The following EYA2 variants were observed in gnomAD, a reference collection of about 807,000 sequenced individuals.
EYA2 encodes EYA transcriptional coactivator and phosphatase 2, also known as protein phosphatase EYA2.
Under a neutral mutation model 69.2 loss-of-function variants are expected in EYA2, and 31 were observed. That is an observed-to-expected ratio of 0.45 (90% CI 0.34 to 0.60). EYA2 has a LOEUF of 0.60. EYA2 is among the 20% of genes least tolerant of loss of function. The pLI, the probability that EYA2 is intolerant of heterozygous loss-of-function variation, is 0.02. For missense variants in EYA2, 622 were observed against 701.2 expected (o/e 0.89, Z 1.28); for synonymous variants, 257 against 279.4 (o/e 0.92, Z 0.80).
At chr20:46,930,288 C>A (rs79268333) in intron 1 of EYA2, among the ~76,000 whole-genome samples, 11,247 of 152,226 alleles carry the variant, frequency 0.074, 921 homozygotes, top group African/African-American at 0.21. Flanking sequence ...AAATAAAAGA[C>A]AGGTAATAAT....
intron 7 of EYA2, among the ~76,000 whole-genome samples, chr20:47,080,920 T>A (rs142485982): frequency 6.6e-6 from 1 of 152,322 alleles, no homozygotes; most frequent in Non-Finnish European, 1.5e-5. Flanking sequence ...CAGGCTGAAG[T>A]GCAGTGGTAC....
chr20:47,116,242 A>G lies in EYA2; in HGVS notation c.888+19074A>G, dbSNP rs563307614. ...GCCCAGGCTGGAGTGCAGTGGTGCA[A>G]TCTTGGCTCACTGCAACCTCCGCCT... On this transcript the variant is annotated intron_variant, in intron 9 of 15. Transcript: ENST00000327619. 4.3e-3 allele frequency among the ~76,000 whole-genome samples: 584 copies of G among 135,786 alleles called. 2 individuals are homozygous for G. The highest frequency in any genetic ancestry group is 0.024 in the Middle Eastern group (5 of 210). 89.1% of individuals were successfully genotyped at this position (135,786 alleles called of 152,430 possible).
intron 10 of EYA2, among the ~76,000 whole-genome samples, chr20:47,157,427 T>G (rs901244267): frequency 6.6e-6 from 1 of 150,654 alleles, no homozygotes; most frequent in Non-Finnish European, 1.5e-5. Context: ...CAGTCCAGAT[T>G]GGCATTTACA....
intron 1 of EYA2, among the ~76,000 whole-genome samples, chr20:46,927,673 A>G (rs1187102542): frequency 1.3e-5 from 2 of 152,198 alleles, no homozygotes; most frequent in African/African-American, 4.8e-5. Context: ...AGATGATTCA[A>G]CTATCTCCCA....
intron 1 of EYA2, among the ~76,000 whole-genome samples, chr20:46,922,846 A>C (rs1189712422): frequency 6.6e-6 from 1 of 152,216 alleles, no homozygotes. Flanking sequence ...GTCACTATGC[A>C]GTGCAGAAAT....
chr20:46,935,521 C>G (rs1205180576), intron 1 of EYA2, among the ~76,000 whole-genome samples: 1 of 152,206 alleles, frequency 6.6e-6, no homozygotes, highest in East Asian at 1.9e-4. Context: ...TGAAACTCAT[C>G]TTCCTCTCTT....
At chr20:47,178,605 G>A (rs2146667738) in intron 12 of EYA2, among the ~76,000 whole-genome samples, 1 of 152,228 alleles carries the variant, frequency 6.6e-6, no homozygotes, top group Non-Finnish European at 1.5e-5. Flanking sequence ...TGAGAGAATG[G>A]CAGGTTGAGA....
At chr20:46,971,133 G>A (rs1219528019) in intron 1 of EYA2, among the ~76,000 whole-genome samples, 1 of 151,888 alleles carries the variant, frequency 6.6e-6, no homozygotes, top group African/African-American at 2.4e-5. Flanking sequence ...ATGCACTGAA[G>A]AAGATCTGGT....
chr20:47,012,396 A>G (rs777674009), intron 4 of EYA2, among the ~76,000 whole-genome samples: 4 of 152,226 alleles, frequency 2.6e-5, no homozygotes, highest in Non-Finnish European at 5.9e-5. Context: ...TATCTGGTTT[A>G]AAAGACCAGT....
At chr20:46,917,403 A>G (rs1176449523) in intron 1 of EYA2, among the ~76,000 whole-genome samples, 1 of 152,240 alleles carries the variant, frequency 6.6e-6, no homozygotes, top group East Asian at 1.9e-4. Context: ...CAACTAGGAT[A>G]TGGCAAAACG....
chr20:47,011,205 C>T (rs972920120), intron 4 of EYA2, among the ~76,000 whole-genome samples: 1 of 152,116 alleles, frequency 6.6e-6, no homozygotes, highest in African/African-American at 2.4e-5. Flanking sequence ...GTCCAAAACC[C>T]TCATTGTAGT....
chr20:47,098,255 T>C (rs1418810026), intron 9 of EYA2, among the ~76,000 whole-genome samples: 1 of 152,174 alleles, frequency 6.6e-6, no homozygotes, highest in African/African-American at 2.4e-5. Context: ...ACAGCTTAGG[T>C]AAAAGATGGC....
chr20:47,179,448 A>G (rs925557018), intron 12 of EYA2, among the ~76,000 whole-genome samples: 6 of 110,564 alleles, frequency 5.4e-5, no homozygotes, highest in Non-Finnish European at 1.0e-4. Flanking sequence ...GGGTGGGTGG[A>G]TGGATGGATG....
intron 1 of EYA2, among the ~76,000 whole-genome samples, chr20:46,942,206 T>A (rs1307294046): frequency 2.6e-5 from 4 of 151,930 alleles, no homozygotes; most frequent in Admixed American, 6.6e-5. Context: ...TATTTTATTT[T>A]ATTTTTTACT....
intron 5 of EYA2, among the ~76,000 whole-genome samples, chr20:47,061,754 T>G (rs376431847): frequency 2.0e-4 from 30 of 152,132 alleles, no homozygotes; most frequent in African/African-American, 6.5e-4. Flanking sequence ...TTGCAGAGGG[T>G]GTAGGCGAGT....
intron 5 of EYA2, among the ~76,000 whole-genome samples, chr20:47,045,755 A>G (rs1568743170): frequency 6.6e-6 from 1 of 152,172 alleles, no homozygotes; most frequent in Non-Finnish European, 1.5e-5. Flanking sequence ...TTTCAGCATC[A>G]ATGGTATATG....
At chr20:47,178,229 A>G (rs2034459829) in intron 12 of EYA2, among the ~76,000 whole-genome samples, 1 of 151,816 alleles carries the variant, frequency 6.6e-6, no homozygotes, top group Admixed American at 6.6e-5. Context: ...TCAGGAGGCT[A>G]AGGTGGAAGG....
chr20:47,034,304 T>C (rs1448585678), intron 5 of EYA2, among the ~76,000 whole-genome samples: 1 of 152,254 alleles, frequency 6.6e-6, no homozygotes, highest in Non-Finnish European at 1.5e-5. Context: ...TGAATGATTA[T>C]ACGGATAGGG....
Position 46,989,994 on chromosome 20 carries a change from C to A in EYA2, c.-10-7C>A, listed in dbSNP as rs111898226. The A allele has an allele frequency of 7.2e-6, 10 of 1,380,268 alleles. No homozygotes were observed. Among genetic ancestry groups the A allele is most frequent in the African/African-American group, 2.8e-5 (2 of 70,956 alleles). 85.5% of individuals were successfully genotyped at this position (1,380,268 alleles called of 1,614,324 possible). On this transcript the variant is annotated splice_polypyrimidine_tract_variant and splice_region_variant and intron_variant, in intron 1 of 15. Transcript: ENST00000327619. ...AATAAATTATATTTCCCTTTGTTTT[C>A]TTTCAGGTACAAGGAAATGGTAGAA... is the stretch of plus-strand genomic sequence containing the variant.
Sources: allele counts gnomAD v4.1 joint callset (sites outside exome capture counted in the v4.1 genomes callset), GRCh38; gene constraint gnomAD v4.1.1; transcripts MANE v1.5; gene names NCBI Gene and HGNC (gene_info 2026-07-23, HGNC 2026-07-21).